The following THSD7B variants were observed in gnomAD, a reference collection of about 807,000 sequenced individuals.
THSD7B encodes the protein thrombospondin type-1 domain-containing protein 7B.
A neutral mutation model predicts 213.6 loss-of-function variants in THSD7B; 138 were observed. The ratio of observed to expected loss-of-function variants is 0.65; its 90% confidence interval spans 0.56 to 0.74. The LOEUF is 0.74. Ranked by LOEUF, THSD7B falls within the 30% of genes least tolerant of loss-of-function variation. THSD7B has a pLI of 0.00. For synonymous variants in THSD7B, 742 were observed against 687.0 expected (o/e 1.08, Z -1.25); for missense variants, 1,931 against 1,991.5 (o/e 0.97, Z 0.58).
intron 10 of THSD7B, among the ~76,000 whole-genome samples, chr2:137,248,342 T>A (rs1348054452): frequency 6.6e-6 from 1 of 152,012 alleles, no homozygotes; most frequent in Non-Finnish European, 1.5e-5. Context: ...AGGGTAGGAG[T>A]CTTTCATTTC....
At chr2:137,006,741 T>G (rs1182868452) in intron 2 of THSD7B, among the ~76,000 whole-genome samples, 1 of 152,200 alleles carries the variant, frequency 6.6e-6, no homozygotes, top group African/African-American at 2.4e-5. Flanking sequence ...TCCTATTTGT[T>G]AAACGTTTTA....
At chr2:137,575,002 G>A (rs1573718736) in intron 17 of THSD7B, among the ~76,000 whole-genome samples, 1 of 150,938 alleles carries the variant, frequency 6.6e-6, no homozygotes, top group South Asian at 2.1e-4. Flanking sequence ...AGTCTGCAGT[G>A]TGACATATGA....
intron 12 of THSD7B, among the ~76,000 whole-genome samples, chr2:137,360,473 T>C (rs1250637952): frequency 6.6e-6 from 1 of 152,124 alleles, no homozygotes; most frequent in Non-Finnish European, 1.5e-5. Context: ...AGGGAAGCCA[T>C]GACAGACTGT....
intron 24 of THSD7B, among the ~76,000 whole-genome samples, chr2:137,657,901 C>T (rs1037177909): frequency 7.9e-5 from 12 of 152,310 alleles, no homozygotes; most frequent in African/African-American, 2.9e-4. Flanking sequence ...TTAGTACAGA[C>T]AGGGTTTCAC....
At chr2:137,277,730 G>A (rs1016784776) in intron 12 of THSD7B, among the ~76,000 whole-genome samples, 1 of 152,096 alleles carries the variant, frequency 6.6e-6, no homozygotes, top group Admixed American at 6.6e-5. Context: ...TGTTGGCAAG[G>A]GTGAAGCTGT....
At chr2:137,412,566 T>TTTCC (rs1686684116) in intron 14 of THSD7B, among the ~76,000 whole-genome samples, 1 of 141,084 alleles carries the variant, frequency 7.1e-6, no homozygotes, top group South Asian at 2.2e-4. Context: ...CATTACACTC[T>TTTCC]TTCCTGGGCA....
intron 5 of THSD7B, among the ~76,000 whole-genome samples, chr2:137,118,630 A>G (rs952372501): frequency 6.6e-6 from 1 of 152,108 alleles, no homozygotes; most frequent in African/African-American, 2.4e-5. Flanking sequence ...TTAGCTCTGA[A>G]TTGTTAAATG....
At chr2:137,037,307 T>C (rs1281599149) in intron 2 of THSD7B, among the ~76,000 whole-genome samples, 1 of 152,166 alleles carries the variant, frequency 6.6e-6, no homozygotes, top group Non-Finnish European at 1.5e-5. Context: ...TTTGTTTACA[T>C]ATTAAGACGA....
intron 2 of THSD7B, among the ~76,000 whole-genome samples, chr2:136,907,382 T>C (rs1316514200): frequency 6.6e-6 from 1 of 152,226 alleles, no homozygotes; most frequent in East Asian, 1.9e-4. Flanking sequence ...ATTTATTTTC[T>C]AAATCAATTA....
At chr2:136,922,442 A>G (rs369042291) in intron 2 of THSD7B, among the ~76,000 whole-genome samples, 1 of 152,200 alleles carries the variant, frequency 6.6e-6, no homozygotes, top group Admixed American at 6.5e-5. Context: ...ATAAAACCAC[A>G]TTATTTTGGA....
intron 12 of THSD7B, among the ~76,000 whole-genome samples, chr2:137,391,695 A>G (rs72847161): frequency 3.3e-5 from 3 of 91,150 alleles, no homozygotes; most frequent in East Asian, 2.6e-4. Context: ...TCAAAAAAAA[A>G]AAAAAACCAA....
At chr2:137,094,667 A>T (rs1023515049) in intron 3 of THSD7B, among the ~76,000 whole-genome samples, 2 of 152,180 alleles carry the variant, frequency 1.3e-5, no homozygotes, top group African/African-American at 4.8e-5. Flanking sequence ...AGAGTGAAGC[A>T]GCTTCACTGT....
rs181519145 is a variant in THSD7B, at chr2:137,437,444, A to C, written c.2960-13401A>C. ...TATAAAGCTAAGATGATTGTGAAGA[A>C]CAGGAGGCAAAACAAAGGAAGCTGT... is the stretch of plus-strand genomic sequence containing the variant. On this transcript the variant is annotated intron_variant, in intron 14 of 27. Coordinates refer to ENST00000409968, the MANE Select transcript of THSD7B (RefSeq NM_001316349.2). Among the ~76,000 whole-genome samples, 53 of 152,300 alleles carry C rather than the reference A, an allele frequency of 3.5e-4. No homozygotes were observed. In the East Asian group the frequency reaches 9.9e-3, roughly 28 times the overall value.
chr2:137,659,050 C>T (rs192297946), intron 24 of THSD7B, among the ~76,000 whole-genome samples: 5 of 152,142 alleles, frequency 3.3e-5, no homozygotes, highest in Admixed American at 3.3e-4. Context: ...AAAATATGTA[C>T]GGAGCAGGAA....
chr2:136,945,617 T>C (rs941241571), intron 2 of THSD7B, among the ~76,000 whole-genome samples: 2 of 152,222 alleles, frequency 1.3e-5, no homozygotes, highest in Non-Finnish European at 2.9e-5. Context: ...CAGTCAAATG[T>C]AGATTTGGTG....
At chr2:137,523,592 A>G (rs1441554350) in intron 15 of THSD7B, among the ~76,000 whole-genome samples, 1 of 152,198 alleles carries the variant, frequency 6.6e-6, no homozygotes, top group Non-Finnish European at 1.5e-5. Context: ...TTGGTTGCAT[A>G]CTCAATAATT....
intron 2 of THSD7B, among the ~76,000 whole-genome samples, chr2:136,941,387 A>G (rs10168704): frequency 0.48 from 73,215 of 152,012 alleles, 18,796 homozygotes; most frequent in Non-Finnish European, 0.58. Flanking sequence ...GGAATGGCTG[A>G]GTCAAATGGT....
intron 5 of THSD7B, among the ~76,000 whole-genome samples, chr2:137,120,990 C>A (rs1045695088): frequency 6.6e-6 from 1 of 152,118 alleles, no homozygotes; most frequent in Admixed American, 6.6e-5. Flanking sequence ...AAAAGAAACA[C>A]GAAGTCAGAA....
chr2:137,211,673 C>T (rs2375451), intron 7 of THSD7B, among the ~76,000 whole-genome samples: 90,673 of 151,798 alleles, frequency 0.6, 27,495 homozygotes, highest in South Asian at 0.71. Context: ...TATAAGAGTG[C>T]TAATACCTTG....
Sources: gnomAD v4.1 joint callset for allele counts (sites outside exome capture counted in the v4.1 genomes callset) on GRCh38, gnomAD v4.1.1 for gene constraint, MANE v1.5 for transcripts, NCBI Gene and HGNC (gene_info 2026-07-23, HGNC 2026-07-21) for gene names.